ZNF43: variants seen among roughly 807,000 people sequenced by gnomAD.
The protein encoded by ZNF43 is zinc finger protein 43.
Under a neutral mutation model 68.4 loss-of-function variants are expected in ZNF43, and 44 were observed. The ratio of observed to expected loss-of-function variants is 0.64; its 90% CI spans 0.51 to 0.83. ZNF43 has a LOEUF of 0.83. Among genes scored for constraint, ZNF43 ranks in the 40% least tolerant of loss-of-function variants. ZNF43 has a pLI of 0.00. For missense variants in ZNF43, 896 were observed against 933.2 expected (o/e 0.96, Z 0.52); for synonymous variants, 308 against 307.8 (o/e 1.00, Z -0.01).
intron 1 of ZNF43, among the ~76,000 whole-genome samples, chr19:21,833,689 T>C (rs998027498): frequency 6.7e-6 from 1 of 150,260 alleles, no homozygotes; most frequent in Admixed American, 6.6e-5. Context: ...TGAGGAAAAA[T>C]CACCCACATT....
At chr19:21,836,913 T>A (rs1304384050), upstream of ZNF43, among the ~76,000 whole-genome samples, 1 of 152,188 alleles carries the variant, frequency 6.6e-6, no homozygotes, top group East Asian at 1.9e-4. Context: ...ATCAAAAAAT[T>A]TTTTTAAAGC....
At chr19:21,810,862 G>A (rs946338842) in intron 3 of ZNF43, among the ~76,000 whole-genome samples, 2 of 152,094 alleles carry the variant, frequency 1.3e-5, no homozygotes, top group African/African-American at 2.4e-5. Flanking sequence ...AGGTTGACTT[G>A]AGCCCAGGAG....
At chr19:21,825,367 T>C (rs2038064180) in intron 1 of ZNF43, among the ~76,000 whole-genome samples, 1 of 152,180 alleles carries the variant, frequency 6.6e-6, no homozygotes, top group Non-Finnish European at 1.5e-5. Flanking sequence ...CAGTGTGACA[T>C]TATTAGTTTA....
At chr19:21,812,118 C>T (rs533241727) in intron 3 of ZNF43, 1 of 395,950 alleles carries the variant, frequency 2.5e-6, no homozygotes. Flanking sequence ...TCATAATATA[C>T]AAACAACTTT....
In ZNF43 at chr19:21,819,138, A is replaced by G. The variant is rs1295777907; in HGVS notation, c.87T>C (p.Tyr29=). The G allele has an allele frequency of 1.2e-6, 2 of 1,611,706 alleles. No individual in the cohort carries two copies. The highest frequency in any genetic ancestry group is 2.7e-5 in the African/African-American group (2 of 74,772). Residue 29 remains tyrosine (Y), a synonymous_variant, in exon 2 of 4, where the codon TAT becomes TAC. Transcript: ENST00000354959. ...QCLDIAQQNL[Y]RNVMLENYRN... ...TGTAGTTCTCTAACATCACATTCCT[A>G]TATAAATTCTGCTGTGCAATGTCCA...
intron 1 of ZNF43, chr19:21,850,030 G>C (rs1968240104): frequency 6.6e-6 from 1 of 152,178 alleles, no homozygotes; most frequent in African/African-American, 2.4e-5. Flanking sequence ...ATTTAGCCAG[G>C]AATATGTAAC....
At chr19:21,812,918 G>A (rs996577345) in intron 3 of ZNF43, among the ~76,000 whole-genome samples, 117 of 148,620 alleles carry the variant, frequency 7.9e-4, no homozygotes, top group Middle Eastern at 3.4e-3. Flanking sequence ...GGGTGACAGA[G>A]TGTGACTCCA....
At chr19:21,836,774 TAG>T (rs1967131589), upstream of ZNF43, among the ~76,000 whole-genome samples, 7 of 152,122 alleles carry the variant, frequency 4.6e-5, no homozygotes, top group South Asian at 1.4e-3. Context: ...TTTTTATTTG[TAG>T]AGATGAAGCC....
At chr19:21,845,337 C>T (rs1174358990) in intron 1 of ZNF43, 1 of 152,064 alleles carries the variant, frequency 6.6e-6, no homozygotes, top group African/African-American at 2.4e-5. Context: ...TGTGGGCAGG[C>T]CCAGGCAGGG....
At chr19:21,837,722 C>T (rs1371899048), upstream of ZNF43, 1 of 152,084 alleles carries the variant, frequency 6.6e-6, no homozygotes, top group Non-Finnish European at 1.5e-5. Flanking sequence ...TGTCTCCTGA[C>T]CTGGTGAACT....
At chr19:21,844,896 C>CAAAAAAAA (rs869257892) in intron 1 of ZNF43, among the ~76,000 whole-genome samples, 2 of 35,786 alleles carry the variant, frequency 5.6e-5, no homozygotes, top group African/African-American at 2.2e-4. Context: ...GATTCCGTCT[C>CAAAAAAAA]AAAAAAAAAA....
chr19:21,819,371 C>A (rs1052628190), intron 1 of ZNF43, 150 bp from the exon 2 acceptor site: 3 of 917,892 alleles, frequency 3.3e-6, no homozygotes, highest in South Asian at 2.9e-5. Context: ...TAAAATAATT[C>A]TTTTCATGGA....
chr19:21,809,517 A>G lies in ZNF43; in HGVS notation c.520T>C (p.Phe174Leu). ...HKISHTEKKL[F>L]KCKECGKSFC... is the part of the protein sequence containing the mutation. Reference sequence around the variant, plus strand: ...GATTTGCCACATTCTTTGCATTTGAAAAGTTTTTTTTCAGTATGGCTTATC... The same window carrying G: ...GATTTGCCACATTCTTTGCATTTGAGAAGTTTTTTTTCAGTATGGCTTATC... Residue 174 changes from phenylalanine to leucine, a missense_variant, in exon 4 of 4, where the codon TTC becomes CTC. Physicochemically the swap from Phe to Leu is conservative, Grantham distance 22 (BLOSUM62 0). Transcript: ENST00000354959. 1 of 1,613,660 alleles carries G rather than the reference A, an allele frequency of 6.2e-7. No individual in the cohort carries two copies. Among genetic ancestry groups the G allele is most frequent in the Non-Finnish European group, 8.5e-7 (1 of 1,179,778 alleles).
At chr19:21,814,323 T>C (rs1281076261) in intron 3 of ZNF43, among the ~76,000 whole-genome samples, 1 of 151,306 alleles carries the variant, frequency 6.6e-6, no homozygotes, top group African/African-American at 2.4e-5. Context: ...ATATACAAGA[T>C]AAGCTTTAAC....
intron 1 of ZNF43, among the ~76,000 whole-genome samples, chr19:21,834,335 C>CAA (rs34305940): frequency 4.5e-4 from 39 of 86,426 alleles, no homozygotes; most frequent in African/African-American, 1.4e-3. Flanking sequence ...AACACTGTCT[C>CAA]AAAAAAAAAA....
At chr19:21,819,256 ACATTTAC>A (rs1393861885) in intron 1 of ZNF43, 35 bp from the exon 2 acceptor site, 2 of 1,524,762 alleles carry the variant, frequency 1.3e-6, no homozygotes, top group Non-Finnish European at 1.8e-6. Flanking sequence ...ACAAACACAC[ACATTTAC>A]CAAGTGGCCA....
chr19:21,815,835 G>T (rs1304705874), intron 3 of ZNF43, among the ~76,000 whole-genome samples: 1 of 151,948 alleles, frequency 6.6e-6, no homozygotes, highest in Non-Finnish European at 1.5e-5. Context: ...GAGATGGGTG[G>T]ATCATTTGAG....
Position 21,844,347 on chromosome 19 carries a change from CAAAAAAA to C in ZNF43, c.30+7551_30+7557del, listed in dbSNP as rs57500822. 8.3e-4 allele frequency among the ~76,000 whole-genome samples: 36 copies of C among 43,158 alleles called. No homozygotes were observed. In the South Asian group the frequency reaches 0.029, roughly 35 times the overall value. 28.3% of individuals were successfully genotyped at this position (43,158 alleles called of 152,430 possible). ...CTGAGTGATAAGGGAGACTCTGTCT[CAAAAAAA>C]AAAAAAAAAAAAAAAAAAGATACAC... On this transcript the variant is annotated intron_variant, in intron 1 of 3. Coordinates refer to the ZNF43 transcript ENST00000357491.
At chr19:21,846,072 G>A (rs1362560602) in intron 1 of ZNF43, among the ~76,000 whole-genome samples, 4 of 152,100 alleles carry the variant, frequency 2.6e-5, no homozygotes, top group Admixed American at 2.6e-4. Context: ...GAGAGCCCAG[G>A]CAGAAAAGTC....
Sources: allele counts gnomAD v4.1 joint callset (sites outside exome capture counted in the v4.1 genomes callset), GRCh38; gene constraint gnomAD v4.1.1; transcripts MANE v1.5; gene names NCBI Gene and HGNC (gene_info 2026-07-23, HGNC 2026-07-21).